AKT3: variants seen among roughly 807,000 people sequenced by gnomAD.
The protein encoded by AKT3 is AKT serine/threonine kinase 3.
In AKT3, 15 loss-of-function variants were observed where a neutral mutation model predicts 65.3. That is an observed-to-expected ratio of 0.23 (90% CI 0.15 to 0.35). The LOEUF is 0.35. Among genes scored for constraint, AKT3 ranks in the 10% least tolerant of loss-of-function variants. The pLI, the probability that AKT3 is intolerant of heterozygous loss-of-function variation, is 1.00. For synonymous variants in AKT3, 206 were observed against 183.8 expected, an observed-to-expected ratio of 1.12 and a Z score of -0.98; for missense variants, 243 against 576.5, an observed-to-expected ratio of 0.42 and a Z score of 5.92.
intron 2 of AKT3, among the ~76,000 whole-genome samples, chr1:243,815,075 C>A (rs1043738098): frequency 6.6e-6 from 1 of 152,160 alleles, no homozygotes; most frequent in African/African-American, 2.4e-5. Flanking sequence ...CCATGAGGGT[C>A]CTAGATTGGA....
intron 2 of AKT3, among the ~76,000 whole-genome samples, chr1:243,803,022 C>T (rs1452554166): frequency 1.3e-5 from 2 of 152,156 alleles, no homozygotes; most frequent in Admixed American, 6.5e-5. Flanking sequence ...GTTGCATACA[C>T]CTGTAGTTCC....
intron 2 of AKT3, among the ~76,000 whole-genome samples, chr1:243,819,443 G>A (rs1027566329): frequency 5.9e-5 from 9 of 152,218 alleles, no homozygotes; most frequent in African/African-American, 2.2e-4. Context: ...GGGCCTCCCT[G>A]CAGGAATTTT....
intron 2 of AKT3, among the ~76,000 whole-genome samples, chr1:243,835,771 CT>C (rs1186302026): frequency 1.3e-5 from 2 of 151,892 alleles, no homozygotes; most frequent in South Asian, 2.1e-4. Context: ...GTGGAATATA[CT>C]GAAAAAAATT....
rs74153909 is a variant in AKT3 at position 243,520,660 on chromosome 1, C to A, written c.1252-8234G>T. Among the ~76,000 whole-genome samples, 1,159 of 152,300 alleles carry A rather than the reference C, an allele frequency of 7.6e-3. 11 individuals are homozygous for A. Among genetic ancestry groups the A allele is most frequent in the African/African-American group, 0.026 (1,088 of 41,572 alleles). ...ACAACATATTTTTCTGACAAATGCA[C>A]TAAACTTGAAACAAATCTTTATTTG... On this transcript the variant is annotated intron_variant, in intron 12 of 13. Transcript: ENST00000673466.
intron 13 of AKT3, among the ~76,000 whole-genome samples, chr1:243,488,762 A>T (rs1665640684): frequency 6.6e-6 from 1 of 151,630 alleles, no homozygotes; most frequent in South Asian, 2.1e-4. Context: ...TACTTACCCC[A>T]CTTATCTGCG....
intron 8 of AKT3, among the ~76,000 whole-genome samples, chr1:243,609,985 G>A (rs952501154): frequency 2.4e-4 from 37 of 152,192 alleles, no homozygotes; most frequent in African/African-American, 8.7e-4. Flanking sequence ...TTCACACTTA[G>A]TATTATTTTT....
intron 6 of AKT3, among the ~76,000 whole-genome samples, chr1:243,626,083 T>C (rs1048183573): frequency 6.6e-6 from 1 of 152,194 alleles, no homozygotes; most frequent in East Asian, 1.9e-4. Flanking sequence ...AATATGCCCT[T>C]TAAATCATGG....
chr1:243,735,158 T>C (rs977785937), intron 2 of AKT3: 1 of 152,212 alleles, frequency 6.6e-6, no homozygotes, highest in Non-Finnish European at 1.5e-5. Context: ...CACTCTGAAA[T>C]GACAACAGTA....
Position 243,525,723 on chromosome 1 carries a change from G to A in AKT3, c.1252-13297C>T, listed in dbSNP as rs1390675339. On this transcript the variant is annotated intron_variant, in intron 12 of 13. Transcript: ENST00000673466. ...TTTGAATAGCACAGGAAAACAATGT[G>A]AAAAAACAAGCAGAACTTCATACCT... Among the ~76,000 whole-genome samples, 6 of 108,070 alleles carry A rather than the reference G, an allele frequency of 5.6e-5. No individual in the cohort carries two copies. The Admixed American group carries it at 5.8e-4, about 11-fold the overall frequency. The allele number at this position is 108,070 out of a possible 152,430, so 70.9% of individuals were successfully genotyped here.
chr1:243,761,992 T>C (rs1689525787), intron 2 of AKT3, among the ~76,000 whole-genome samples: 1 of 152,054 alleles, frequency 6.6e-6, no homozygotes, highest in Non-Finnish European at 1.5e-5. Context: ...TTTCTAAACG[T>C]CAAAATAACA....
intron 2 of AKT3, among the ~76,000 whole-genome samples, chr1:243,745,206 T>C (rs1028581232): frequency 6.6e-6 from 1 of 151,870 alleles, no homozygotes; most frequent in African/African-American, 2.4e-5. Flanking sequence ...GGCGTGGTGG[T>C]GTGCACCTGT....
At chr1:243,695,506 T>C (rs2148024921) in intron 3 of AKT3, 85 bp downstream of exon 3, 1 of 1,287,594 alleles carries the variant, frequency 7.8e-7, no homozygotes, top group Non-Finnish European at 1.0e-6. Context: ...TTTTCACAGG[T>C]TTCTCATATA....
intron 3 of AKT3, 84 bp from the exon 4 acceptor site, chr1:243,664,967 T>A: frequency 1.5e-6 from 1 of 670,572 alleles, no homozygotes; most frequent in Non-Finnish European, 2.2e-6. Flanking sequence ...AGTTCTATTT[T>A]AAACAAAACC....
intron 4 of AKT3, among the ~76,000 whole-genome samples, chr1:243,649,448 A>G (rs1048793075): frequency 6.6e-6 from 1 of 151,778 alleles, no homozygotes; most frequent in East Asian, 1.9e-4. Context: ...GTTCTGGGGT[A>G]CATGTGCAGA....
intron 2 of AKT3, among the ~76,000 whole-genome samples, chr1:243,810,172 G>A (rs776211672): frequency 6.6e-5 from 10 of 152,142 alleles, no homozygotes; most frequent in Non-Finnish European, 8.8e-5. Flanking sequence ...AAATAACTAA[G>A]ATGAGAGCAG....
chr1:243,504,999 T>C lies in AKT3; in HGVS notation c.*250A>G, dbSNP rs1669575397. 1.1e-5 allele frequency: 5 copies of C among 473,034 alleles called. No individual in the cohort carries two copies. The South Asian group carries it at 2.0e-4, about 19-fold the overall frequency. 29.3% of individuals were successfully genotyped at this position (473,034 alleles called of 1,614,324 possible). A position where few individuals can be genotyped will look rare whatever the true frequency, so the allele number is the denominator to read the frequency against. ...TTACTTCTTAAAGTTGCTATAATAGTAAGACAGTAGCAGCAACAGCATGAG... is the reference window on the plus strand; with the variant it reads ...TTACTTCTTAAAGTTGCTATAATAGCAAGACAGTAGCAGCAACAGCATGAG... On this transcript the variant is annotated 3_prime_UTR_variant, in exon 14 of 14. Transcript: ENST00000673466.
chr1:243,507,213 C>A (rs189046285), intron 13 of AKT3, among the ~76,000 whole-genome samples: 1 of 152,296 alleles, frequency 6.6e-6, no homozygotes, highest in East Asian at 1.9e-4. Context: ...TCCAGCCCGG[C>A]GAGGTTCAGC....
chr1:243,845,309 T>G (rs1012302100), intron 1 of AKT3, among the ~76,000 whole-genome samples: 3 of 142,736 alleles, frequency 2.1e-5, no homozygotes, highest in Non-Finnish European at 4.6e-5. Context: ...TCACCATGAG[T>G]CTGTTGCTGT....
chr1:243,589,306 C>CAAAAAAAAAAAAAAAAAAAA (rs758254217), intron 8 of AKT3, among the ~76,000 whole-genome samples: 9 of 40,864 alleles, frequency 2.2e-4, no homozygotes, highest in Non-Finnish European at 3.0e-4. Context: ...AACTCCATCT[C>CAAAAAAAAAAAAAAAAAAAA]AAAAAAAAAA....
Sources: gnomAD v4.1 joint callset for allele counts (sites outside exome capture counted in the v4.1 genomes callset) on GRCh38, gnomAD v4.1.1 for gene constraint, MANE v1.5 for transcripts, NCBI Gene and HGNC (gene_info 2026-07-23, HGNC 2026-07-21) for gene names.